MYH15: variants seen among roughly 807,000 people sequenced by gnomAD.
MYH15 encodes the protein myosin-15.
In MYH15, 227 loss-of-function variants were observed where a neutral mutation model predicts 240.5. The ratio of observed to expected loss-of-function variants is 0.94; its 90% CI spans 0.85 to 1.05. The LOEUF (loss-of-function observed/expected upper bound fraction) is 1.05. Ranked by LOEUF, MYH15 falls within the 50% of genes least tolerant of loss-of-function variation. The probability of loss-of-function intolerance (pLI) is 0.00; values close to 1 mark genes in which losing one functional copy is unlikely to be tolerated. For synonymous variants in MYH15, 785 were observed against 796.7 expected (o/e 0.99, Z 0.25); for missense variants, 2,217 against 2,247.5 (o/e 0.99, Z 0.27).
chr3:108,421,848 T>C (rs1037849141), intron 27 of MYH15, among the ~76,000 whole-genome samples: 1 of 152,244 alleles, frequency 6.6e-6, no homozygotes, highest in Non-Finnish European at 1.5e-5. Flanking sequence ...AATCTCAAGA[T>C]GACCCTGTTG....
At chr3:108,422,670 A>C (rs2082692664) in intron 27 of MYH15, among the ~76,000 whole-genome samples, 1 of 152,244 alleles carries the variant, frequency 6.6e-6, no homozygotes, top group African/African-American at 2.4e-5. Flanking sequence ...TTGTCTGTAC[A>C]AAGAAAGTAT....
At chr3:108,520,575 G>A (rs2083610342) in intron 1 of MYH15, among the ~76,000 whole-genome samples, 1 of 152,126 alleles carries the variant, frequency 6.6e-6, no homozygotes, top group Admixed American at 6.6e-5. Context: ...TGAGGCAAGG[G>A]TATGAGATGT....
chr3:108,498,498 G>A (rs551359484), intron 5 of MYH15, among the ~76,000 whole-genome samples: 1 of 152,234 alleles, frequency 6.6e-6, no homozygotes, highest in East Asian at 1.9e-4. Context: ...ATGTATGAAG[G>A]CTACCACACA....
At chr3:108,414,038 T>C (rs1269355989) in intron 30 of MYH15, among the ~76,000 whole-genome samples, 194 bp downstream of exon 30, 1 of 152,202 alleles carries the variant, frequency 6.6e-6, no homozygotes, top group Non-Finnish European at 1.5e-5. Flanking sequence ...TGTATTATAC[T>C]TTTTATATTT....
intron 28 of MYH15, among the ~76,000 whole-genome samples, chr3:108,420,651 A>G (rs2399234): frequency 0.91 from 137,814 of 152,170 alleles, 62,501 homozygotes; most frequent in East Asian, 1. Flanking sequence ...GTCCAATCAT[A>G]CAGGCTCAGG....
chr3:108,382,342 T>C (rs2082349651), intron 40 of MYH15, among the ~76,000 whole-genome samples: 1 of 152,194 alleles, frequency 6.6e-6, no homozygotes, highest in South Asian at 2.1e-4. Flanking sequence ...ATATTTCTTA[T>C]ATTTAGATCT....
At chr3:108,447,497 C>A (rs932381483) in intron 21 of MYH15, among the ~76,000 whole-genome samples, 1 of 151,978 alleles carries the variant, frequency 6.6e-6, no homozygotes, top group Non-Finnish European at 1.5e-5. Context: ...TATAATGAAA[C>A]CCTCATGAGA....
At chr3:108,520,554 C>A (rs942169369) in intron 1 of MYH15, among the ~76,000 whole-genome samples, 2 of 152,096 alleles carry the variant, frequency 1.3e-5, no homozygotes, top group Non-Finnish European at 1.5e-5. Flanking sequence ...ATTTGGCACC[C>A]CAAATGTCTC....
At position 108,410,763 on chromosome 3, in the gene MYH15, G is replaced by A. The variant is rs2082585839; in HGVS notation, c.4315C>T (p.Leu1439=). ...TCGGCAAGGGCCTTGCCAGACTGCA[G>A]CTGCTTCTGGTCCAGCCTGGCTGCT... ...SAAARLDQKQ[L]QSGKALADWK... Residue 1439 remains leucine (L), a synonymous_variant, in exon 31 of 41, where the codon CTG becomes TTG. Coordinates refer to ENST00000693548, the MANE Select transcript of MYH15 (RefSeq NM_014981.3). 1 of 1,614,012 alleles carries A rather than the reference G, an allele frequency of 6.2e-7. No individual in the cohort carries two copies.
At chr3:108,492,226 A>ACACACACACT (rs757937299) in intron 9 of MYH15, among the ~76,000 whole-genome samples, 2 of 138,548 alleles carry the variant, frequency 1.4e-5, no homozygotes, top group Non-Finnish European at 3.3e-5. Context: ...ACACACACAC[A>ACACACACACT]CTCACTCACC....
rs2083168400 is a variant in MYH15 at position 108,470,869 on chromosome 3, C to T, written c.1234-22G>A. 4 of 1,611,172 alleles carry T rather than the reference C, an allele frequency of 2.5e-6. No homozygotes were observed. In the South Asian group the frequency reaches 4.4e-5, roughly 18 times the overall value. ...TTACCTAGAAATCACATTGAAAACA[C>T]TCCTTCATCTGACTGAAGTGTTCAT... On this transcript the variant is annotated intron_variant, in intron 12 of 40. Transcript: ENST00000693548.
chr3:108,403,811 C>A lies in MYH15; in HGVS notation c.4736+1527G>T, dbSNP rs186668088. 3.6e-3 allele frequency among the ~76,000 whole-genome samples: 541 copies of A among 152,194 alleles called. 3 individuals are homozygous for A. The highest frequency in any genetic ancestry group is 0.013 in the African/African-American group (523 of 41,538). The stretch of plus-strand genomic sequence containing the variant: ...CCTTCAGTTCTTTCTTCTTCCAGCC[C>A]TAGCTCTTTGGATCTCTGGCTTTTT... On this transcript the variant is annotated intron_variant, in intron 33 of 40. Transcript: ENST00000693548.
chr3:108,503,128 T>C (rs2083450700), intron 2 of MYH15, among the ~76,000 whole-genome samples: 1 of 150,440 alleles, frequency 6.6e-6, no homozygotes, highest in African/African-American at 2.4e-5. Flanking sequence ...GCTGGGGGAA[T>C]GGGACCTTCA....
intron 7 of MYH15, 30 bp downstream of exon 7, chr3:108,495,750 T>C (rs1006688696): frequency 1.9e-6 from 3 of 1,553,648 alleles, no homozygotes; most frequent in Non-Finnish European, 2.7e-6. Context: ...AATTAAATAC[T>C]TTGATATTAT....
intron 27 of MYH15, among the ~76,000 whole-genome samples, chr3:108,426,987 G>A (rs2082729583): frequency 6.6e-6 from 1 of 152,130 alleles, no homozygotes; most frequent in African/African-American, 2.4e-5. Context: ...TGATTTCTCT[G>A]TTTTTCGGAA....
intron 28 of MYH15, among the ~76,000 whole-genome samples, chr3:108,417,781 G>C (rs961796995): frequency 8.7e-6 from 1 of 114,776 alleles, no homozygotes; most frequent in Non-Finnish European, 1.7e-5. Flanking sequence ...ACACGTACAG[G>C]TATGTATATA....
chr3:108,437,484 T>A, intron 25 of MYH15, 70 bp downstream of exon 25: 1 of 1,540,506 alleles, frequency 6.5e-7, no homozygotes. Context: ...TAAGGATAAA[T>A]GAAATGAGAA....
At chr3:108,490,215 C>T (rs150041218) in intron 9 of MYH15, among the ~76,000 whole-genome samples, 4 of 152,316 alleles carry the variant, frequency 2.6e-5, no homozygotes, top group African/African-American at 9.6e-5. Context: ...TTACATGACA[C>T]CAATTACATC....
At chr3:108,504,683 T>G (rs1434429989) in intron 2 of MYH15, among the ~76,000 whole-genome samples, 1 of 152,126 alleles carries the variant, frequency 6.6e-6, no homozygotes, top group Non-Finnish European at 1.5e-5. Flanking sequence ...TTCATTTAAG[T>G]AGGACAGAAA....
Sources: gnomAD v4.1 joint callset for allele counts (sites outside exome capture counted in the v4.1 genomes callset) on GRCh38, gnomAD v4.1.1 for gene constraint, MANE v1.5 for transcripts, NCBI Gene and HGNC (gene_info 2026-07-23, HGNC 2026-07-21) for gene names.